MEG3: variants seen among roughly 807,000 people sequenced by gnomAD.
The protein encoded by MEG3 is maternally expressed 3.
upstream of MEG3, chr14:100,852,544 G>A: frequency 2.3e-6 from 1 of 428,822 alleles, no homozygotes; most frequent in Non-Finnish European, 4.7e-6. Flanking sequence ...GAGGTCTGGG[G>A]GTGCACTTAT....
At chr14:100,841,872 C>T (rs1022397787) in intron 2 of MEG3, among the ~76,000 whole-genome samples, 2 of 152,208 alleles carry the variant, frequency 1.3e-5, no homozygotes, top group Non-Finnish European at 2.9e-5. Context: ...CCCCAACCCC[C>T]GTGGCTCACC....
chr14:100,834,685 G>T (rs750562726), exon 1 of MEG3: 2 of 456,434 alleles, frequency 4.4e-6, no homozygotes, highest in South Asian at 1.5e-5. Context: ...TCTCCTCAGG[G>T]TGTCCCAGCA....
upstream of MEG3, chr14:100,852,996 A>G (rs1043671072): frequency 6.5e-6 from 1 of 152,740 alleles, no homozygotes; most frequent in African/African-American, 2.4e-5. Flanking sequence ...GACCCTTAAG[A>G]GTTTTGTATC....
At chr14:100,844,135 T>C (rs2037843973) in intron 2 of MEG3, among the ~76,000 whole-genome samples, 1 of 152,198 alleles carries the variant, frequency 6.6e-6, no homozygotes, top group Non-Finnish European at 1.5e-5. Flanking sequence ...CTGGGGCTGG[T>C]ACCTGTGGTC....
At chr14:100,838,510 T>A (rs1048862078) in intron 2 of MEG3, among the ~76,000 whole-genome samples, 1 of 152,222 alleles carries the variant, frequency 6.6e-6, no homozygotes, top group Admixed American at 6.5e-5. Context: ...CTGAAAGACA[T>A]GATCATTTTC....
chr14:100,844,768 T>A (rs1208124640), intron 2 of MEG3, among the ~76,000 whole-genome samples: 1 of 152,114 alleles, frequency 6.6e-6, no homozygotes, highest in Non-Finnish European at 1.5e-5. Context: ...TTGGGAGTAT[T>A]CTGAACTATG....
At chr14:100,826,704 G>C (rs748129061) in intron 1 of MEG3, among the ~76,000 whole-genome samples, 4 of 152,200 alleles carry the variant, frequency 2.6e-5, no homozygotes, top group Non-Finnish European at 4.4e-5. Context: ...CCAGCTGTTG[G>C]CCAGGTTTTT....
chr14:100,860,344 A>G, exon 1 of MEG3: 1 of 276,494 alleles, frequency 3.6e-6, no homozygotes, highest in Non-Finnish European at 7.1e-6. Flanking sequence ...AGCTGGGGAT[A>G]GCATTTAGAG....
chr14:100,832,283 C>T (rs114376546), downstream of MEG3: 111 of 152,274 alleles, frequency 7.3e-4, no homozygotes, highest in African/African-American at 2.6e-3. Context: ...TCAAATCACC[C>T]TATTCTGGGT....
intron 1 of MEG3, among the ~76,000 whole-genome samples, chr14:100,827,838 C>A (rs1381398050): frequency 6.6e-6 from 1 of 152,214 alleles, no homozygotes; most frequent in East Asian, 1.9e-4. Flanking sequence ...GTCTTTCTGA[C>A]TTTAGTGAAC....
chr14:100,828,115 T>C (rs1194944472), intron 1 of MEG3, among the ~76,000 whole-genome samples: 1 of 151,994 alleles, frequency 6.6e-6, no homozygotes, highest in Non-Finnish European at 1.5e-5. Flanking sequence ...GGGTGGGCTG[T>C]GGAGCCCTTC....
At chr14:100,827,277 C>T (rs1173360737) in intron 1 of MEG3, 1 of 134,520 alleles carries the variant, frequency 7.4e-6, no homozygotes, top group East Asian at 2.4e-4. Flanking sequence ...TGGCAGGTTT[C>T]TGGAAGGTTT....
rs887538373 is a variant in MEG3 at position 100,848,291 on chromosome 14, G to A, written n.3121+2758G>A. On this transcript the variant is annotated intron_variant and non_coding_transcript_variant, in intron 3 of 3. Transcript: ENST00000398461. ...TCAATCACCTACTCAACTAAGGAAC[G>A]GCTCAAAGCATACACATGGGAGGGA... 5 of 152,324 alleles carry A rather than the reference G, an allele frequency of 3.3e-5. No homozygotes were observed. In the East Asian group the frequency reaches 5.8e-4, roughly 18 times the overall value. The allele number at this position is 152,324 out of a possible 1,614,324, so 9.4% of individuals were successfully genotyped here.
intron 2 of MEG3, among the ~76,000 whole-genome samples, chr14:100,840,280 C>T (rs991837776): frequency 2.0e-5 from 3 of 152,180 alleles, no homozygotes; most frequent in Non-Finnish European, 4.4e-5. Flanking sequence ...CGGCTTGCCT[C>T]GACTCTGAGC....
intron 2 of MEG3, among the ~76,000 whole-genome samples, chr14:100,843,220 G>A (rs986316055): frequency 4.6e-5 from 7 of 152,224 alleles, no homozygotes; most frequent in South Asian, 2.1e-4. Context: ...TGATTTCTCC[G>A]CTCCTATTAA....
upstream of MEG3, chr14:100,854,069 T>C (rs2038169134): frequency 6.6e-6 from 1 of 152,262 alleles, no homozygotes; most frequent in Admixed American, 6.5e-5. Flanking sequence ...GAATTTCCTT[T>C]GGTTAAGTCT....
At chr14:100,827,093 C>T (rs2037256144) in intron 1 of MEG3, among the ~76,000 whole-genome samples, 1 of 151,932 alleles carries the variant, frequency 6.6e-6, no homozygotes, top group South Asian at 2.1e-4. Context: ...TGGGGTGCCG[C>T]GGGGGTCTTC....
intron 2 of MEG3, among the ~76,000 whole-genome samples, chr14:100,840,348 A>G (rs72698770): frequency 0.011 from 1,678 of 152,266 alleles, 15 homozygotes; most frequent in Admixed American, 0.017. Flanking sequence ...GGGAGCTCCC[A>G]GGGCTGTTTC....
At chr14:100,843,861 A>AAG (rs2037833893) in intron 2 of MEG3, among the ~76,000 whole-genome samples, 2 of 113,026 alleles carry the variant, frequency 1.8e-5, no homozygotes, top group Non-Finnish European at 3.5e-5. Flanking sequence ...TTTTTTTGAG[A>AAG]CAGAGTCTTG....
Sources: gnomAD v4.1 joint callset for allele counts (sites outside exome capture counted in the v4.1 genomes callset) on GRCh38, gnomAD v4.1.1 for gene constraint, MANE v1.5 for transcripts, NCBI Gene and HGNC (gene_info 2026-07-23, HGNC 2026-07-21) for gene names.